Variants in CEP83 observed in about 807,000 individuals in gnomAD.
The protein encoded by CEP83 is centrosomal protein 83.
CEP83 carries 70 observed loss-of-function variants against 101.9 expected under a neutral mutation model. That is an observed-to-expected ratio of 0.69 (90% CI 0.57 to 0.84). The LOEUF (loss-of-function observed/expected upper bound fraction) is 0.84, where lower values mean the gene tolerates loss of function less well. Among genes scored for constraint, CEP83 ranks in the 40% least tolerant of loss-of-function variants. The pLI, the probability that CEP83 is intolerant of heterozygous loss-of-function variation, is 0.00. For missense variants in CEP83, 715 were observed against 787.2 expected (o/e 0.91, Z 1.10); for synonymous variants, 264 against 267.9 (o/e 0.99, Z 0.14).
At chr12:94,418,461 G>A (rs77261061) in intron 2 of CEP83, among the ~76,000 whole-genome samples, 4,320 of 152,204 alleles carry the variant, frequency 0.028, 83 homozygotes, top group Middle Eastern at 0.054. Flanking sequence ...GCACTGGGAA[G>A]ATACAACTAC....
Position 94,404,529 on chromosome 12 carries a change from C to A in CEP83, c.325-1267G>T, listed in dbSNP as rs76117884. Reference sequence around the variant, plus strand: ...AAAATTGTGGGACCCTATATGCACACTGGTAGAAATATCTAAACACTGTAA... The same window carrying A: ...AAAATTGTGGGACCCTATATGCACAATGGTAGAAATATCTAAACACTGTAA... On this transcript the variant is annotated intron_variant, in intron 4 of 16. Transcript: ENST00000397809. Among the ~76,000 whole-genome samples, 971 of 152,214 alleles carry A rather than the reference C, an allele frequency of 6.4e-3. 14 individuals carry two copies. Among genetic ancestry groups the A allele is most frequent in the African/African-American group, 0.022 (926 of 41,538 alleles).
At chr12:94,348,114 A>T (rs116519522) in intron 11 of CEP83, among the ~76,000 whole-genome samples, 7,348 of 151,830 alleles carry the variant, frequency 0.048, 225 homozygotes, top group Non-Finnish European at 0.072. Flanking sequence ...CCACAAAAAA[A>T]ATATATATAT....
intron 2 of CEP83, chr12:94,423,940 T>C (rs1400224824): frequency 2.5e-6 from 4 of 1,612,026 alleles, no homozygotes; most frequent in Non-Finnish European, 3.4e-6. Flanking sequence ...GATGGCCCAG[T>C]TGCTGGGTAA....
intron 2 of CEP83, among the ~76,000 whole-genome samples, chr12:94,422,479 G>T (rs984821691): frequency 2.0e-5 from 3 of 152,188 alleles, no homozygotes; most frequent in Non-Finnish European, 4.4e-5. Context: ...TGGTACCACT[G>T]TTGTGTATGT....
At chr12:94,319,512 C>T (rs1292236775) in intron 14 of CEP83, among the ~76,000 whole-genome samples, 1 of 152,062 alleles carries the variant, frequency 6.6e-6, no homozygotes, top group Non-Finnish European at 1.5e-5. Context: ...GCATTTGGTG[C>T]TATAAATTTC....
At chr12:94,305,587 A>C (rs1968920621), downstream of CEP83, 1 of 281,314 alleles carries the variant, frequency 3.6e-6, no homozygotes, top group African/African-American at 2.2e-5. Context: ...TACAGTCTCC[A>C]CTTAAGCACA....
chr12:94,310,150 T>C (rs759515771), intron 15 of CEP83, 43 bp from the exon 16 acceptor site: 1 of 972,134 alleles, frequency 1.0e-6, no homozygotes, highest in Non-Finnish European at 1.5e-6. Flanking sequence ...GGTTATACCC[T>C]ATTGAAGCAC....
downstream of CEP83, among the ~76,000 whole-genome samples, chr12:94,302,572 T>G (rs1593018261): frequency 6.6e-6 from 1 of 152,312 alleles, no homozygotes; most frequent in South Asian, 2.1e-4. Flanking sequence ...AAACAGTTGT[T>G]TATGAATTAT....
intron 11 of CEP83, among the ~76,000 whole-genome samples, chr12:94,343,120 CATAT>C (rs140745114): frequency 1.4e-5 from 2 of 146,980 alleles, no homozygotes; most frequent in African/African-American, 2.5e-5. Context: ...TATAGAACTT[CATAT>C]ATATATATAT....
At chr12:94,388,135 C>T (rs540882709) in intron 6 of CEP83, among the ~76,000 whole-genome samples, 1 of 152,326 alleles carries the variant, frequency 6.6e-6, no homozygotes, top group East Asian at 1.9e-4. Flanking sequence ...CTCATATGTT[C>T]ATCACAGCAC....
intron 11 of CEP83, among the ~76,000 whole-genome samples, chr12:94,343,289 C>A (rs1389829474): frequency 6.6e-6 from 1 of 151,902 alleles, no homozygotes; most frequent in Non-Finnish European, 1.5e-5. Context: ...AAGACTCCTG[C>A]AAGTGCAGGG....
At chr12:94,291,546 T>C in the CEP83 span, among the ~76,000 whole-genome samples, 1 of 152,200 alleles carries the variant, frequency 6.6e-6, no homozygotes, top group Non-Finnish European at 1.5e-5. Flanking sequence ...ATAATTCATA[T>C]TACCATAAAG....
In CEP83 at chr12:94,370,066, T is replaced by C. The variant is rs781032677; in HGVS notation, c.934-30A>G. 6.2e-6 allele frequency: 8 copies of C among 1,298,120 alleles called. No homozygotes were observed. The South Asian group carries it at 7.2e-5, about 12-fold the overall frequency. 80.4% of individuals were successfully genotyped at this position (1,298,120 alleles called of 1,614,324 possible). ...TGATAATTAAAAACTGAAATTACTA[T>C]TGGTCATTTTCTTGCCATTCAATAC... On this transcript the variant is annotated intron_variant, in intron 8 of 16. Transcript: ENST00000397809.
chr12:94,274,380 C>G, the CEP83 span, among the ~76,000 whole-genome samples: 5 of 152,076 alleles, frequency 3.3e-5, no homozygotes, highest in East Asian at 9.6e-4. Flanking sequence ...TTGGCCAGAG[C>G]TGGGTTACAT....
intron 11 of CEP83, among the ~76,000 whole-genome samples, chr12:94,356,560 T>C (rs1265730074): frequency 6.6e-6 from 1 of 152,242 alleles, no homozygotes; most frequent in Admixed American, 6.5e-5. Flanking sequence ...ATTTAGAGGC[T>C]TGGCAGTTCC....
At chr12:94,307,659 A>AT (rs1969198188), downstream of CEP83, 1 of 147,888 alleles carries the variant, frequency 6.8e-6, no homozygotes, top group Admixed American at 6.9e-5. Flanking sequence ...AAAAATAAAC[A>AT]TTTTGATGTA....
chr12:94,361,119 C>A (rs921033091), intron 11 of CEP83: 1 of 152,040 alleles, frequency 6.6e-6, no homozygotes, highest in Non-Finnish European at 1.5e-5. Context: ...GTATGAGACC[C>A]CAAACTATGA....
chr12:94,428,946 A>C (rs2065410962), intron 2 of CEP83, among the ~76,000 whole-genome samples: 1 of 152,254 alleles, frequency 6.6e-6, no homozygotes, highest in South Asian at 2.1e-4. Flanking sequence ...AATAAATAAA[A>C]GAAAATCCTT....
Position 94,323,299 on chromosome 12 carries a change from G to A in CEP83, c.1707+8401C>T, listed in dbSNP as rs1261677013. On this transcript the variant is annotated intron_variant, in intron 14 of 16. Transcript: ENST00000397809. ...CCCAGGGCTCTACGTGTATCTGAGC[G>A]GCTGCATTGCTGAGACTCCACATAA... Among the ~76,000 whole-genome samples the A allele has an allele frequency of 3.3e-5, 5 of 152,076 alleles. No individual in the cohort carries two copies. The East Asian group carries it at 5.8e-4, about 18-fold the overall frequency.
Sources: allele counts gnomAD v4.1 joint callset (sites outside exome capture counted in the v4.1 genomes callset), GRCh38; gene constraint gnomAD v4.1.1; transcripts MANE v1.5; gene names NCBI Gene and HGNC (gene_info 2026-07-23, HGNC 2026-07-21).